The following PCNT variants were observed in gnomAD, a reference collection of about 807,000 sequenced individuals.
PCNT encodes the protein pericentrin.
Under a neutral mutation model 380.4 loss-of-function variants are expected in PCNT, and 319 were observed. That is an observed-to-expected ratio of 0.84 (90% CI 0.77 to 0.92). The LOEUF (loss-of-function observed/expected upper bound fraction) is 0.92, where lower values mean the gene tolerates loss of function less well. Among genes scored for constraint, PCNT ranks in the 40% least tolerant of loss-of-function variants. PCNT has a pLI of 0.00. For missense variants in PCNT, 4,400 were observed against 4,255.3 expected, an observed-to-expected ratio of 1.03 and a Z score of -0.95; for synonymous variants, 1,845 against 1,735.2, an observed-to-expected ratio of 1.06 and a Z score of -1.57.
Position 46,381,851 on chromosome 21 carries a change from T to A in PCNT, c.3312+11T>A, listed in dbSNP as rs1208436515. ...CACCAAGTCCAGCAGGTGTGTGGAA[T>A]ACGCTGTTCCCTTGTGATAAGACGT... On this transcript the variant is annotated intron_variant, in intron 16 of 46. Transcript: ENST00000359568. 4 of 1,613,858 alleles carry A rather than the reference T, an allele frequency of 2.5e-6. No homozygotes were observed. In the East Asian group the frequency reaches 8.9e-5, roughly 36 times the overall value.
chr21:46,427,581 TG>T (rs1251300525), intron 33 of PCNT, 40 bp from the exon 34 acceptor site: 1 of 1,612,594 alleles, frequency 6.2e-7, no homozygotes, highest in African/African-American at 1.3e-5. Context: ...AGGATGCAGG[TG>T]CATTTGTGAG....
intron 41 of PCNT, among the ~76,000 whole-genome samples, chr21:46,438,669 A>ATT (rs34152810): frequency 1.6e-4 from 21 of 127,568 alleles, no homozygotes; most frequent in East Asian, 4.6e-4. Context: ...GTGATTTATA[A>ATT]TTTTTTTTTT....
chr21:46,418,522 C>T (rs955053514), intron 31 of PCNT, among the ~76,000 whole-genome samples: 2 of 152,182 alleles, frequency 1.3e-5, no homozygotes, highest in Non-Finnish European at 2.9e-5. Flanking sequence ...GCCCGGGCCA[C>T]GCTCCACCCT....
intron 36 of PCNT, 45 bp downstream of exon 36, chr21:46,430,277 G>C (rs779181762): frequency 1.9e-6 from 3 of 1,546,030 alleles, no homozygotes; most frequent in Non-Finnish European, 2.7e-6. Flanking sequence ...GAGTCCCCCC[G>C]TTGTGCCATG....
chr21:46,371,928 C>T (rs567078142), intron 15 of PCNT, among the ~76,000 whole-genome samples: 10 of 150,566 alleles, frequency 6.6e-5, no homozygotes, highest in Admixed American at 3.3e-4. Context: ...ACAGCACATG[C>T]GCATGCTCAC....
intron 32 of PCNT, among the ~76,000 whole-genome samples, chr21:46,424,767 C>T (rs1781064815): frequency 6.7e-6 from 1 of 149,228 alleles, no homozygotes; most frequent in East Asian, 2.0e-4. Context: ...CGTCTCCGCT[C>T]CTCCCCGCAC....
intron 15 of PCNT, among the ~76,000 whole-genome samples, chr21:46,374,913 G>C (rs1002610971): frequency 2.6e-5 from 4 of 151,872 alleles, no homozygotes; most frequent in Non-Finnish European, 5.9e-5. Context: ...AGTGTTTTGG[G>C]TCATTGTCCC....
intron 21 of PCNT, among the ~76,000 whole-genome samples, chr21:46,397,013 T>C (rs1417218676): frequency 6.6e-6 from 1 of 152,172 alleles, no homozygotes; most frequent in Non-Finnish European, 1.5e-5. Flanking sequence ...TAGTCGTGTG[T>C]TTCTGTCTGG....
intron 27 of PCNT, among the ~76,000 whole-genome samples, chr21:46,406,798 G>A (rs965984791): frequency 6.6e-6 from 1 of 152,190 alleles, no homozygotes; most frequent in Non-Finnish European, 1.5e-5. Flanking sequence ...TGGATCTATT[G>A]AAATAGTGAT....
At position 46,394,733 on chromosome 21, in the gene PCNT, C is replaced by G. The variant is rs77490857; in HGVS notation, c.4217-2532C>G. Reference sequence around the variant, plus strand: ...GCCCCAGCAAAACAGGAGCATTTCTCTAACGGTCTTTACTACAGTGCCTAA... The same window carrying G: ...GCCCCAGCAAAACAGGAGCATTTCTGTAACGGTCTTTACTACAGTGCCTAA... On this transcript the variant is annotated intron_variant, in intron 21 of 46. Coordinates refer to ENST00000359568, the MANE Select transcript of PCNT (RefSeq NM_006031.6). Among the ~76,000 whole-genome samples, 34 of 152,358 alleles carry G rather than the reference C, an allele frequency of 2.2e-4. 1 individual carries two copies. The East Asian group carries it at 6.4e-3, about 28-fold the overall frequency.
rs772703830 is a variant in PCNT at position 46,334,808 on chromosome 21, A to G, written c.639+40A>G. The G allele has an allele frequency of 1.1e-5, 18 of 1,614,034 alleles. No individual in the cohort carries two copies. The South Asian group carries it at 1.9e-4, about 17-fold the overall frequency. On this transcript the variant is annotated intron_variant, in intron 3 of 46. Coordinates refer to ENST00000359568, the MANE Select transcript of PCNT (RefSeq NM_006031.6). ...CTCTGTTAAGGTGTATTCTTTGTCA[A>G]AAGATTTCTTTATGTTGTAGAAATC...
intron 12 of PCNT, 45 bp downstream of exon 12, chr21:46,355,671 T>A: frequency 6.2e-7 from 1 of 1,602,718 alleles, no homozygotes; most frequent in Non-Finnish European, 8.5e-7. Context: ...GTCCCGGGTC[T>A]GGGGGACGTT....
At chr21:46,412,202 G>A in intron 28 of PCNT, 135 bp downstream of exon 28, 1 of 1,072,764 alleles carries the variant, frequency 9.3e-7, no homozygotes, top group Non-Finnish European at 1.3e-6. Flanking sequence ...GCGGAGAAAG[G>A]GGGCCTGAAG....
intron 3 of PCNT, among the ~76,000 whole-genome samples, chr21:46,338,020 C>T (rs920207628): frequency 4.6e-5 from 7 of 152,008 alleles, no homozygotes; most frequent in African/African-American, 1.4e-4. Flanking sequence ...ATTACAGGCA[C>T]GTTCCACCAC....
chr21:46,433,911 A>G (rs1407170454), intron 38 of PCNT, among the ~76,000 whole-genome samples: 1 of 152,108 alleles, frequency 6.6e-6, no homozygotes. Flanking sequence ...AGCTGGGATT[A>G]CAGGTGCATG....
intron 16 of PCNT, among the ~76,000 whole-genome samples, chr21:46,382,407 A>C (rs544869840): frequency 3.4e-5 from 5 of 145,974 alleles, no homozygotes; most frequent in African/African-American, 1.3e-4. Flanking sequence ...CTGTGCATTC[A>C]GCAGCAGAAG....
intron 3 of PCNT, among the ~76,000 whole-genome samples, chr21:46,341,212 C>G (rs1213356931): frequency 1.3e-5 from 2 of 152,094 alleles, no homozygotes; most frequent in African/African-American, 4.8e-5. Context: ...GAATGTGTTG[C>G]TCGGGTTGAT....
In PCNT at chr21:46,380,532, C is replaced by T. The variant is rs755544663; in HGVS notation, c.3166-1162C>T. ...CAGCAAGGTGCCCGGCAGGTGGGCT[C>T]GGGCAGTTGTGCATGGAAATTTTGG... On this transcript the variant is annotated intron_variant, in intron 15 of 46. Transcript: ENST00000359568. Among the ~76,000 whole-genome samples, 14 of 151,520 alleles carry T rather than the reference C, an allele frequency of 9.2e-5. 1 individual carries two copies. Among genetic ancestry groups the T allele is most frequent in the Admixed American group, 5.3e-4 (8 of 15,194 alleles).
chr21:46,337,664 T>A (rs1234893493), intron 3 of PCNT, among the ~76,000 whole-genome samples: 1 of 152,158 alleles, frequency 6.6e-6, no homozygotes, highest in Admixed American at 6.5e-5. Flanking sequence ...CTCTCCGCAA[T>A]CTCCGCTTCC....
Sources: allele counts gnomAD v4.1 joint callset (sites outside exome capture counted in the v4.1 genomes callset), GRCh38; gene constraint gnomAD v4.1.1; transcripts MANE v1.5; gene names NCBI Gene and HGNC (gene_info 2026-07-23, HGNC 2026-07-21).